DMGDH: variants seen among roughly 807,000 people sequenced by gnomAD.
DMGDH encodes the protein dimethylglycine dehydrogenase, mitochondrial.
A neutral mutation model predicts 95.2 loss-of-function variants in DMGDH; 76 were observed. The ratio of observed to expected loss-of-function variants is 0.80; its 90% CI spans 0.66 to 0.97. The LOEUF (loss-of-function observed/expected upper bound fraction) is 0.97. Ranked by LOEUF, DMGDH falls within the 50% of genes least tolerant of loss-of-function variation. DMGDH has a pLI of 0.00. For synonymous variants in DMGDH, 345 were observed against 377.6 expected (o/e 0.91, Z 1.00); for missense variants, 987 against 1,055.0 (o/e 0.94, Z 0.89).
rs1017199728 is a variant in DMGDH at position 79,069,506 on chromosome 5, G to C, written c.101+14C>G. The stretch of plus-strand genomic sequence containing the variant: ...CCGCCCCGTCGCCTCTGAGCAGGAC[G>C]GGGCCCCACTCACCCTTCCCGGCCG... On this transcript the variant is annotated intron_variant, in intron 1 of 15. Coordinates refer to ENST00000255189, the MANE Select transcript of DMGDH (RefSeq NM_013391.3). 6.7e-5 allele frequency: 85 copies of C among 1,273,222 alleles called. No homozygotes were observed. The highest frequency in any genetic ancestry group is 8.0e-5 in the Non-Finnish European group (81 of 1,009,614). 78.9% of individuals were successfully genotyped at this position (1,273,222 alleles called of 1,614,324 possible).
At chr5:79,004,652 T>G (rs1249235229) in intron 15 of DMGDH, among the ~76,000 whole-genome samples, 1 of 152,184 alleles carries the variant, frequency 6.6e-6, no homozygotes, top group Non-Finnish European at 1.5e-5. Flanking sequence ...GCAGAAAGCT[T>G]GGGAGAAAAA....
At chr5:79,053,136 T>C (rs893850294) in intron 4 of DMGDH, among the ~76,000 whole-genome samples, 3 of 151,484 alleles carry the variant, frequency 2.0e-5, no homozygotes, top group African/African-American at 7.3e-5. Flanking sequence ...AACATAGATA[T>C]AGATATAAAC....
intron 15 of DMGDH, chr5:79,000,458 C>T: frequency 1.6e-6 from 1 of 618,396 alleles, no homozygotes; most frequent in South Asian, 1.4e-5. Flanking sequence ...GGACAAACTA[C>T]TGGATCAAAG....
intron 5 of DMGDH, among the ~76,000 whole-genome samples, chr5:79,046,327 C>T (rs116552137): frequency 0.019 from 2,811 of 151,798 alleles, 92 homozygotes; most frequent in African/African-American, 0.064. Flanking sequence ...TCAGGTAATC[C>T]GCTGCCTGGG....
intron 9 of DMGDH, among the ~76,000 whole-genome samples, chr5:79,031,346 T>C (rs1754172041): frequency 6.6e-6 from 1 of 152,228 alleles, no homozygotes; most frequent in Non-Finnish European, 1.5e-5. Context: ...ATTAGAATCA[T>C]CTGGAGAGCA....
intron 10 of DMGDH, 76 bp downstream of exon 10, chr5:79,030,757 G>A: frequency 6.7e-7 from 1 of 1,497,982 alleles, no homozygotes; most frequent in South Asian, 1.2e-5. Flanking sequence ...ATCATTAGGT[G>A]AACTAAAATA....
chr5:79,050,275 T>TAA (rs1754817387), intron 5 of DMGDH, among the ~76,000 whole-genome samples: 1 of 21,588 alleles, frequency 4.6e-5, no homozygotes, highest in Non-Finnish European at 8.4e-5. Flanking sequence ...AAAAAAAAAA[T>TAA]ATATATATAT....
chr5:79,020,623 CA>C (rs1753839745), intron 14 of DMGDH: 1 of 950,920 alleles, frequency 1.1e-6, no homozygotes, highest in Non-Finnish European at 1.3e-6. Flanking sequence ...ATATTTCTTC[CA>C]AAAGAGACCC....
At chr5:79,061,874 A>C (rs569709231) in intron 2 of DMGDH, among the ~76,000 whole-genome samples, 1 of 152,260 alleles carries the variant, frequency 6.6e-6, no homozygotes, top group East Asian at 1.9e-4. Context: ...GCACCACTGC[A>C]CTCCAGCCTG....
Position 79,032,820 on chromosome 5 carries a change from G to C in DMGDH, c.1384C>G (p.Arg462Gly), listed in dbSNP as rs768086517. Residue 462 changes from arginine (R) to glycine (G), a missense_variant, in exon 9 of 16, where the codon CGG (arginine) becomes GGG (glycine). Arg to Gly is a moderately radical substitution (Grantham distance 125). Coordinates refer to ENST00000255189, the MANE Select transcript of DMGDH (RefSeq NM_013391.3). ...CGTTGAGTCGGCCTCCCAGCAAACC[G>C]TTCTTCTTTAGGATAACCAACTGAA... ...NNIVGYPKEE[R>G]FAGRPTQRVS... 4 of 1,614,102 alleles carry C rather than the reference G, an allele frequency of 2.5e-6. No individual in the cohort carries two copies. Among genetic ancestry groups the C allele is most frequent in the Non-Finnish European group, 2.5e-6 (3 of 1,180,028 alleles).
chr5:79,069,638 G>A lies in DMGDH; in HGVS notation c.-18C>T. The A allele has an allele frequency of 7.4e-7, 1 of 1,345,648 alleles. No homozygotes were observed. Among genetic ancestry groups the A allele is most frequent in the Non-Finnish European group, 9.5e-7 (1 of 1,049,824 alleles). 83.4% of individuals were successfully genotyped at this position (1,345,648 alleles called of 1,614,324 possible). A position where few individuals can be genotyped will look rare whatever the true frequency, so the allele number is the denominator to read the frequency against. On this transcript the variant is annotated 5_prime_UTR_variant, in exon 1 of 16. Coordinates refer to ENST00000255189, the MANE Select transcript of DMGDH (RefSeq NM_013391.3). ...CGGAGCATGACTAGGCCGAGGCCGA[G>A]GGCGCAGGCGCCTGCTCCGAGGCCA...
intron 14 of DMGDH, among the ~76,000 whole-genome samples, chr5:79,019,662 A>G (rs1753815029): frequency 6.6e-6 from 1 of 152,120 alleles, no homozygotes; most frequent in Non-Finnish European, 1.5e-5. Flanking sequence ...AGGCAGGTGG[A>G]TCACCTGAGG....
chr5:79,040,205 G>C (rs939671743), intron 7 of DMGDH, among the ~76,000 whole-genome samples: 1 of 152,154 alleles, frequency 6.6e-6, no homozygotes, highest in African/African-American at 2.4e-5. Context: ...GTTAATTCCA[G>C]GAGTTGGTGT....
In DMGDH at chr5:79,031,035, G is replaced by A. The variant is rs182000193; in HGVS notation, c.1518-37C>T. The A allele has an allele frequency of 5.0e-5, 81 of 1,611,740 alleles. 2 individuals carry two copies. In the African/African-American group the frequency reaches 6.5e-4, roughly 13 times the overall value. Reference sequence around the variant, plus strand: ...CATTTAGTGTCATAAAACAACTCCCGTTCATTTTTCAAAAATTACAGAATA... The same window carrying A: ...CATTTAGTGTCATAAAACAACTCCCATTCATTTTTCAAAAATTACAGAATA... On this transcript the variant is annotated intron_variant, in intron 9 of 15. Coordinates refer to ENST00000255189, the MANE Select transcript of DMGDH (RefSeq NM_013391.3).
At chr5:79,014,910 T>G (rs1753703537) in intron 14 of DMGDH, among the ~76,000 whole-genome samples, 1 of 152,156 alleles carries the variant, frequency 6.6e-6, no homozygotes, top group South Asian at 2.1e-4. Context: ...TTGGCCTCTG[T>G]CCTCAAAGTT....
At chr5:79,031,024 AAAC>A (rs1754159147) in intron 9 of DMGDH, 26 bp from the exon 10 acceptor site, 1 of 1,613,934 alleles carries the variant, frequency 6.2e-7, no homozygotes, top group Non-Finnish European at 8.5e-7. Flanking sequence ...TAGTGTCATA[AAAC>A]AACTCCCGTT....
intron 14 of DMGDH, among the ~76,000 whole-genome samples, chr5:79,018,537 G>A (rs1306791654): frequency 3.3e-5 from 5 of 152,056 alleles, no homozygotes; most frequent in African/African-American, 2.4e-5. Flanking sequence ...GTGGCGGGTA[G>A]GGATCACAAA....
Position 79,069,554 on chromosome 5 carries a change from G to A in DMGDH, c.67C>T (p.Pro23Ser). The A allele has an allele frequency of 7.5e-7, 1 of 1,327,006 alleles. No homozygotes were observed. The highest frequency in any genetic ancestry group is 9.6e-7 in the Non-Finnish European group (1 of 1,039,838). 82.2% of individuals were successfully genotyped at this position (1,327,006 alleles called of 1,614,324 possible). Residue 23 changes from proline (P) to serine (S), a missense_variant, in exon 1 of 16, where the codon CCC (proline) becomes TCC (serine). Transcript: ENST00000255189. ...LLRSCPLQGS[P>S]GRPRSVCGRE... ...CCGCAGACAGAGCGCGGGCGCCCGG[G>A]GGAGCCCTGCAGCGGGCAGCTCCGC... is the stretch of plus-strand genomic sequence containing the variant.
chr5:79,000,484 C>T (rs1369621331), intron 15 of DMGDH: 24 of 608,326 alleles, frequency 3.9e-5, no homozygotes, highest in South Asian at 3.3e-4. Context: ...CTGAAAAGTA[C>T]TTATTCGGTC....
Sources: gnomAD v4.1 joint callset for allele counts (sites outside exome capture counted in the v4.1 genomes callset) on GRCh38, gnomAD v4.1.1 for gene constraint, MANE v1.5 for transcripts, NCBI Gene and HGNC (gene_info 2026-07-23, HGNC 2026-07-21) for gene names.